Variants in LRRC56 observed in about 807,000 individuals in gnomAD.
LRRC56 encodes leucine-rich repeat-containing protein 56.
Under a neutral mutation model 47.8 loss-of-function variants are expected in LRRC56, and 41 were observed. The observed-to-expected ratio is 0.86, with a 90% CI of 0.67 to 1.11. The LOEUF (loss-of-function observed/expected upper bound fraction) is 1.11, where lower values mean the gene tolerates loss of function less well. Among genes scored for constraint, LRRC56 ranks in the 50% most tolerant of loss-of-function variants. The probability of loss-of-function intolerance (pLI) is 0.00; values close to 1 mark genes in which losing one functional copy is unlikely to be tolerated. For missense variants in LRRC56, 759 were observed against 704.2 expected (o/e 1.08, Z -0.88); for synonymous variants, 387 against 311.2 (o/e 1.24, Z -2.56).
intron 6 of LRRC56, among the ~76,000 whole-genome samples, chr11:545,808 A>G (rs1852045751): frequency 6.6e-6 from 1 of 152,244 alleles, no homozygotes; most frequent in African/African-American, 2.4e-5. Flanking sequence ...TCCCAGCAGC[A>G]TAAGGCAGGG....
chr11:523,276 G>A, the LRRC56 span, among the ~76,000 whole-genome samples: 17 of 302 alleles, frequency 0.056, no homozygotes, highest in Non-Finnish European at 0.077. Context: ...TGATTCGCTC[G>A]CTTTGGTCTC....
intron 6 of LRRC56, among the ~76,000 whole-genome samples, chr11:546,433 T>G (rs1352182010): frequency 1.3e-5 from 2 of 151,762 alleles, no homozygotes; most frequent in South Asian, 2.1e-4. Flanking sequence ...CCGGGCGTGG[T>G]GGTGGGCGCC....
rs1250303851 is a variant in LRRC56, at chr11:554,519, C to T, written c.*243C>T. 5 of 426,074 alleles carry T rather than the reference C, an allele frequency of 1.2e-5. No individual in the cohort carries two copies. Among genetic ancestry groups the T allele is most frequent in the Non-Finnish European group, 2.1e-5 (5 of 242,660 alleles). The allele number at this position is 426,074 out of a possible 1,614,324, so 26.4% of individuals were successfully genotyped here. On this transcript the variant is annotated 3_prime_UTR_variant, in exon 14 of 14. Transcript: ENST00000270115. ...GGGAGGGAGGGTCCGGCTCCCCAGCCCTTCCTTAGGGCCAGGCTTTCCCGC... is the reference window on the plus strand; with the variant it reads ...GGGAGGGAGGGTCCGGCTCCCCAGCTCTTCCTTAGGGCCAGGCTTTCCCGC...
the LRRC56 span, among the ~76,000 whole-genome samples, chr11:509,589 C>T: frequency 6.6e-6 from 1 of 152,112 alleles, no homozygotes; most frequent in Non-Finnish European, 1.5e-5. Flanking sequence ...GCTCTGTCGC[C>T]CAGGCTGGAG....
intron 5 of LRRC56, among the ~76,000 whole-genome samples, chr11:543,378 G>A (rs1273167247): frequency 6.8e-6 from 1 of 147,574 alleles, no homozygotes; most frequent in African/African-American, 2.5e-5. Context: ...CCACGCCCGA[G>A]TAATTTTTGT....
Position 544,044 on chromosome 11 carries a change from A to G in LRRC56, c.266-676A>G, listed in dbSNP as rs529836913. 7.2e-5 allele frequency among the ~76,000 whole-genome samples: 11 copies of G among 152,288 alleles called. No individual in the cohort carries two copies. In the South Asian group the frequency reaches 8.3e-4, roughly 11 times the overall value. On this transcript the variant is annotated intron_variant, in intron 5 of 13. Coordinates refer to ENST00000270115, the MANE Select transcript of LRRC56 (RefSeq NM_198075.4). ...ATTACAGGCGTGAGCCACCGCACCC[A>G]GCCACTCTGCAACCCTTCTCACAAT... is the stretch of plus-strand genomic sequence containing the variant.
chr11:535,671 G>T (rs911038216), upstream of LRRC56: 2 of 152,096 alleles, frequency 1.3e-5, no homozygotes, highest in African/African-American at 4.8e-5. Flanking sequence ...TGGCTGAGCG[G>T]CCCGTCTGTC....
At chr11:539,286 C>T (rs1352920732) in intron 2 of LRRC56, among the ~76,000 whole-genome samples, 2 of 151,452 alleles carry the variant, frequency 1.3e-5, no homozygotes, top group Non-Finnish European at 2.9e-5. Flanking sequence ...GGGGTTTCAC[C>T]TCGTTAGCCA....
chr11:537,452 C>A (rs1236517963), upstream of LRRC56: 4 of 152,260 alleles, frequency 2.6e-5, no homozygotes, highest in African/African-American at 7.2e-5. Flanking sequence ...TAAATATTTG[C>A]GTATTCAAAT....
upstream of LRRC56, chr11:532,634 C>A (rs1017276958): frequency 6.2e-7 from 1 of 1,610,834 alleles, no homozygotes; most frequent in Admixed American, 1.7e-5. Context: ...CCCTCACCTG[C>A]GTCAGGAGAG....
intron 13 of LRRC56, among the ~76,000 whole-genome samples, chr11:553,543 C>T (rs568864587): frequency 3.3e-5 from 5 of 152,264 alleles, no homozygotes; most frequent in Admixed American, 3.3e-4. Context: ...AGGGCAGGGT[C>T]AGGACAAAGG....
Position 554,883 on chromosome 11 carries a change from C to A in LRRC56, c.*607C>A. The A allele has an allele frequency of 1.2e-6, 1 of 848,328 alleles. No individual in the cohort carries two copies. Among genetic ancestry groups the A allele is most frequent in the Non-Finnish European group, 1.7e-6 (1 of 585,200 alleles). 52.6% of individuals were successfully genotyped at this position (848,328 alleles called of 1,614,324 possible). On this transcript the variant is annotated 3_prime_UTR_variant, in exon 14 of 14. Transcript: ENST00000270115. ...ACAGAAATGCGGTTTACTTTGTAGG[C>A]CACGTTGGTTCAATAAATGATGCAG... is the stretch of plus-strand genomic sequence containing the variant.
the LRRC56 span, chr11:529,925 A>C: frequency 6.6e-6 from 1 of 152,154 alleles, no homozygotes; most frequent in African/African-American, 2.4e-5. Flanking sequence ...CCCGAGGCCA[A>C]GGCCTAGCGG....
chr11:532,265 G>T, the LRRC56 span: 3 of 433,620 alleles, frequency 6.9e-6, no homozygotes, highest in Admixed American at 7.2e-5. Context: ...ATAATTTACT[G>T]TGATCCCATC....
At chr11:534,182 C>T (rs1228736622), upstream of LRRC56, 1 of 1,552,640 alleles carries the variant, frequency 6.4e-7, no homozygotes, top group Non-Finnish European at 8.9e-7. Flanking sequence ...GCAGCAGCTG[C>T]TGGCACCTGG....
the LRRC56 span, chr11:507,270 C>T: frequency 7.1e-6 from 1 of 141,144 alleles, no homozygotes; most frequent in Non-Finnish European, 1.5e-5. Flanking sequence ...TGGTCAGGTG[C>T]GTGGGCGGGG....
the LRRC56 span, among the ~76,000 whole-genome samples, chr11:515,165 G>A: frequency 0.027 from 4,037 of 152,254 alleles, 65 homozygotes; most frequent in Non-Finnish European, 0.043. Context: ...GGAGGGTCAG[G>A]TCTGTCGGCT....
rs764473952 is a variant in LRRC56 at position 548,943 on chromosome 11, T to TTAGC, written c.327-957_327-954dup. On this transcript the variant is annotated intron_variant, in intron 6 of 13. Transcript: ENST00000270115. Reference sequence around the variant, plus strand: ...TGAGTCAGAGATCAAGGGGTTTCCATTAGCTGCTCTTGAAGAAATCACTAG... The same window carrying TTAGC: ...TGAGTCAGAGATCAAGGGGTTTCCATTAGCTAGCTGCTCTTGAAGAAATCACTAG... 4.6e-5 allele frequency among the ~76,000 whole-genome samples: 7 copies of TTAGC among 152,268 alleles called. No homozygotes were observed. The East Asian group carries it at 1.4e-3, about 29-fold the overall frequency.
upstream of LRRC56, chr11:534,043 C>T: frequency 1.5e-6 from 2 of 1,367,030 alleles, no homozygotes; most frequent in South Asian, 1.2e-5. Context: ...CCTCATGCCC[C>T]CTCCTCTCCT....
Sources: allele counts gnomAD v4.1 joint callset (sites outside exome capture counted in the v4.1 genomes callset), GRCh38; gene constraint gnomAD v4.1.1; transcripts MANE v1.5; gene names NCBI Gene and HGNC (gene_info 2026-07-23, HGNC 2026-07-21).